The following DNAH12 variants were observed in gnomAD, a reference collection of about 807,000 sequenced individuals.
DNAH12 encodes dynein axonemal heavy chain 12.
Under a neutral mutation model 371.5 loss-of-function variants are expected in DNAH12, and 285 were observed. That is an observed-to-expected ratio of 0.77 (90% CI 0.70 to 0.85). The LOEUF (loss-of-function observed/expected upper bound fraction) is 0.85. Among genes scored for constraint, DNAH12 ranks in the 40% least tolerant of loss-of-function variants. The pLI is 0.00. For missense variants in DNAH12, 3,611 were observed against 3,689.4 expected (o/e 0.98, Z 0.55); for synonymous variants, 1,200 against 1,213.0 (o/e 0.99, Z 0.22).
intron 11 of DNAH12, among the ~76,000 whole-genome samples, chr3:57,496,754 A>AGGCCAAGGT (rs2067336474): frequency 6.6e-6 from 1 of 152,154 alleles, no homozygotes; most frequent in Non-Finnish European, 1.5e-5. Context: ...GGATCACCTG[A>AGGCCAAGGT]GGTCAGGAGT....
intron 2 of DNAH12, among the ~76,000 whole-genome samples, chr3:57,529,065 G>A (rs1366624698): frequency 6.6e-6 from 1 of 152,152 alleles, no homozygotes; most frequent in Non-Finnish European, 1.5e-5. Context: ...CTCCCACAGT[G>A]CTGGGATTAC....
At position 57,323,207 on chromosome 3, in the gene DNAH12, T is replaced by C. The variant is rs902591822; in HGVS notation, c.10183A>G (p.Ile3395Val). 3 of 1,552,296 alleles carry C rather than the reference T, an allele frequency of 1.9e-6. No individual in the cohort carries two copies. Among genetic ancestry groups the C allele is most frequent in the East Asian group, 4.9e-5 (2 of 40,914 alleles). The change falls in exon 64 of 74, where the codon ATT becomes GTT. Residue 3395 changes from isoleucine (I) to valine (V), a missense_variant. By Grantham distance (29) the Ile-to-Val change is conservative. This residue lies in a region of DNAH12 where 2,266 missense variants were observed against 2,236.9 expected (regional missense o/e 1.01). Transcript: ENST00000495027. ...KSMSGNKFQA[I>V]SLGQGQGPIA... The stretch of plus-strand genomic sequence containing the variant: ...GGTCCTTGTCCCTGTCCCAGTGAAA[T>C]AGCTTGAAACTTATTTCCAGACATA...
At chr3:57,437,644 A>G (rs763808539) in intron 29 of DNAH12, among the ~76,000 whole-genome samples, 10 of 152,190 alleles carry the variant, frequency 6.6e-5, no homozygotes, top group Non-Finnish European at 1.0e-4. Flanking sequence ...ACCAATAGAG[A>G]TTTTAATGGT....
intron 23 of DNAH12, among the ~76,000 whole-genome samples, chr3:57,453,740 A>AT (rs1363789855): frequency 2.0e-5 from 3 of 151,930 alleles, no homozygotes; most frequent in Non-Finnish European, 2.9e-5. Flanking sequence ...GGTCTGGCTA[A>AT]TTTTTTGTGT....
chr3:57,435,373 C>CCAAAAAA (rs1553691248), intron 30 of DNAH12, among the ~76,000 whole-genome samples: 2 of 94,740 alleles, frequency 2.1e-5, no homozygotes, highest in African/African-American at 4.0e-5. Flanking sequence ...CTCTGTCTCC[C>CCAAAAAA]AAAAAAAAAA....
chr3:57,318,783 T>C (rs919234241), intron 65 of DNAH12, among the ~76,000 whole-genome samples: 2 of 151,940 alleles, frequency 1.3e-5, no homozygotes, highest in African/African-American at 4.8e-5. Context: ...TGTAGCTTTG[T>C]ATTATATTTT....
intron 59 of DNAH12, among the ~76,000 whole-genome samples, chr3:57,353,162 C>A: frequency 6.6e-6 from 1 of 152,218 alleles, no homozygotes; most frequent in Non-Finnish European, 1.5e-5. Flanking sequence ...GACTGATACT[C>A]TTTATACTCT....
rs562551312 is a variant in DNAH12 at position 57,514,370 on chromosome 3, G to A, written c.280-3391C>T. Among the ~76,000 whole-genome samples, 5 of 150,762 alleles carry A rather than the reference G, an allele frequency of 3.3e-5. No homozygotes were observed. In the East Asian group the frequency reaches 5.8e-4, roughly 18 times the overall value. On this transcript the variant is annotated intron_variant, in intron 4 of 73. Coordinates refer to ENST00000495027, the MANE Select transcript of DNAH12 (RefSeq NM_001366028.2). ...GATTGTGCCACTGTACTCCAGCCTC[G>A]GTGACAGAGTAAGACTCTGTCTCAA...
Position 57,375,350 on chromosome 3 carries a change from CAAAT to C in DNAH12, c.8759+17_8759+20del, listed in dbSNP as rs1336090960. ...CTTTCAAACAGAACAACAGAAAAAA[CAAAT>C]AGTTTATATTTCTTACCAACGCCTA... On this transcript the variant is annotated intron_variant, in intron 55 of 73. Transcript: ENST00000495027. The C allele has an allele frequency of 2.6e-5, 4 of 152,142 alleles. No homozygotes were observed. Among genetic ancestry groups the C allele is most frequent in the African/African-American group, 7.2e-5 (3 of 41,524 alleles). The allele number at this position is 152,142 out of a possible 1,614,324, so 9.4% of individuals were successfully genotyped here.
chr3:57,331,290 T>C (rs1269413893), intron 62 of DNAH12, among the ~76,000 whole-genome samples: 1 of 152,214 alleles, frequency 6.6e-6, no homozygotes, highest in Non-Finnish European at 1.5e-5. Context: ...GGAGCCATTC[T>C]GTAAAGTGCA....
At chr3:57,328,358 C>T (rs1322878876) in intron 62 of DNAH12, among the ~76,000 whole-genome samples, 1,704 of 96,912 alleles carry the variant, frequency 0.018, no homozygotes, top group South Asian at 0.03. Context: ...AAAGCTTATC[C>T]ACCATGATCA....
At chr3:57,415,312 A>G in intron 38 of DNAH12, 114 bp downstream of exon 38, 2 of 1,366,476 alleles carry the variant, frequency 1.5e-6, no homozygotes. Context: ...CAAACATTTG[A>G]AAGTTTTAAA....
At chr3:57,304,893 ACT>A (rs1190925746) in intron 69 of DNAH12, among the ~76,000 whole-genome samples, 2 of 148,422 alleles carry the variant, frequency 1.3e-5, no homozygotes, top group Non-Finnish European at 3.0e-5. Flanking sequence ...TCGTGTCTCT[ACT>A]CTCTTTTCTC....
chr3:57,301,145 C>A (rs899329845), intron 70 of DNAH12, among the ~76,000 whole-genome samples: 1 of 151,436 alleles, frequency 6.6e-6, no homozygotes, highest in Non-Finnish European at 1.5e-5. Flanking sequence ...AAATTAGCCA[C>A]GTATGGTGGC....
chr3:57,469,075 G>C (rs2066289042), intron 16 of DNAH12, 96 bp from the exon 17 acceptor site: 2 of 1,186,766 alleles, frequency 1.7e-6, no homozygotes, highest in Non-Finnish European at 2.3e-6. Context: ...TTTTAAGAGA[G>C]AAAAATGAGG....
At chr3:57,406,404 G>T (rs930686628) in intron 40 of DNAH12, among the ~76,000 whole-genome samples, 1 of 149,684 alleles carries the variant, frequency 6.7e-6, no homozygotes, top group Admixed American at 6.7e-5. Flanking sequence ...TTGGAAAATT[G>T]CATAGTACTA....
At chr3:57,395,184 A>C (rs2063711729) in intron 43 of DNAH12, among the ~76,000 whole-genome samples, 1 of 144,686 alleles carries the variant, frequency 6.9e-6, no homozygotes, top group Non-Finnish European at 1.5e-5. Flanking sequence ...TTCCATGCAT[A>C]TCTCTTTTCA....
chr3:57,323,077 C>T lies in DNAH12; in HGVS notation c.10313G>A (p.Cys3438Tyr). 2 of 1,552,422 alleles carry T rather than the reference C, an allele frequency of 1.3e-6. No homozygotes were observed. Among genetic ancestry groups the T allele is most frequent in the Non-Finnish European group, 1.7e-6 (2 of 1,147,156 alleles). The change falls in exon 64 of 74, where the codon TGT becomes TAT. Residue 3438 changes from cysteine to tyrosine, a missense_variant. Cys to Tyr is a radical substitution (Grantham distance 194). Around this residue, in one of 3 missense-constraint regions of DNAH12, gnomAD observed 2,266 missense variants for 2,236.9 expected, o/e 1.01. Coordinates refer to ENST00000495027, the MANE Select transcript of DNAH12 (RefSeq NM_001366028.2). The stretch of plus-strand genomic sequence containing the variant: ...ACAGGTTTCAGAGGTAAAATCTTCA[C>T]ATATTTTTTCCAACATGGGCATCCA... ...VSWMPMLEKI[C>Y]EDFTSETCNS... is the part of the protein sequence containing the mutation.
the DNAH12 span, among the ~76,000 whole-genome samples, chr3:57,554,298 AAT>A: frequency 6.7e-6 from 1 of 149,092 alleles, no homozygotes; most frequent in African/African-American, 2.5e-5. Flanking sequence ...AAAATAAAAA[AAT>A]AAAAAAATAA....
Sources: gnomAD v4.1 joint callset for allele counts (sites outside exome capture counted in the v4.1 genomes callset) on GRCh38, gnomAD v4.1.1 for gene constraint, gnomAD v4.1.1 regional missense constraint, MANE v1.5 for transcripts, NCBI Gene and HGNC (gene_info 2026-07-23, HGNC 2026-07-21) for gene names.